The following HDAC9 variants were observed in gnomAD, a reference collection of about 807,000 sequenced individuals.
HDAC9 encodes MEF-2 interacting transcription repressor (MITR) protein.
In HDAC9, 41 loss-of-function variants were observed where a neutral mutation model predicts 139.4. That is an observed-to-expected ratio of 0.29 (90% CI 0.23 to 0.38). The LOEUF is 0.38. HDAC9 is among the 10% of genes least tolerant of loss of function. The pLI, the probability that HDAC9 is intolerant of heterozygous loss-of-function variation, is 1.00. For synonymous variants in HDAC9, 517 were observed against 476.2 expected, an observed-to-expected ratio of 1.09 and a Z score of -1.12; for missense variants, 1,147 against 1,297.0, an observed-to-expected ratio of 0.88 and a Z score of 1.78.
intron 1 of HDAC9, among the ~76,000 whole-genome samples, chr7:18,126,322 G>C (rs1166461241): frequency 1.3e-5 from 2 of 152,112 alleles, no homozygotes; most frequent in Admixed American, 1.3e-4. Flanking sequence ...AAAACCCCAG[G>C]TGAATGATAG....
At chr7:18,568,382 T>G (rs962075512) in intron 2 of HDAC9, among the ~76,000 whole-genome samples, 1 of 152,234 alleles carries the variant, frequency 6.6e-6, no homozygotes, top group African/African-American at 2.4e-5. Flanking sequence ...TGTCTAGTGC[T>G]CATTATTCTC....
intron 2 of HDAC9, among the ~76,000 whole-genome samples, chr7:18,183,073 A>G (rs545574403): frequency 1.2e-4 from 18 of 151,108 alleles, no homozygotes; most frequent in East Asian, 3.9e-4. Flanking sequence ...GCAGTGGCGC[A>G]ATCTCGGCTC....
intron 1 of HDAC9, among the ~76,000 whole-genome samples, chr7:18,299,022 G>A (rs375719902): frequency 2.0e-5 from 3 of 152,034 alleles, no homozygotes; most frequent in East Asian, 1.9e-4. Flanking sequence ...AACTATTCTT[G>A]AGTTTCCAAA....
intron 3 of HDAC9, among the ~76,000 whole-genome samples, chr7:18,585,999 A>G (rs780274193): frequency 1.4e-4 from 21 of 152,206 alleles, no homozygotes; most frequent in Non-Finnish European, 2.9e-4. Context: ...ACTCTTCCTT[A>G]TAGAAAAGAT....
At chr7:18,651,624 G>A (rs1339500799) in intron 11 of HDAC9, among the ~76,000 whole-genome samples, 2 of 151,784 alleles carry the variant, frequency 1.3e-5, no homozygotes, top group Non-Finnish European at 1.5e-5. Context: ...TATTAAATTT[G>A]AAAGAGTTTT....
At chr7:18,203,537 G>A (rs1791286196) in intron 2 of HDAC9, among the ~76,000 whole-genome samples, 1 of 152,074 alleles carries the variant, frequency 6.6e-6, no homozygotes, top group African/African-American at 2.4e-5. Context: ...ATCATATAAT[G>A]CATTTATATG....
intron 21 of HDAC9, among the ~76,000 whole-genome samples, chr7:18,859,363 A>G (rs1463394789): frequency 6.6e-6 from 1 of 151,980 alleles, no homozygotes; most frequent in East Asian, 2.0e-4. Context: ...TACATGTAAC[A>G]CTCCTAGATC....
chr7:18,384,789 G>C (rs1345915643), intron 1 of HDAC9, among the ~76,000 whole-genome samples: 1 of 151,890 alleles, frequency 6.6e-6, no homozygotes, highest in East Asian at 1.9e-4. Flanking sequence ...AAAAGGTTAA[G>C]TTCAAGTCCA....
chr7:18,859,753 A>T (rs1191660752), intron 21 of HDAC9, among the ~76,000 whole-genome samples: 1 of 143,042 alleles, frequency 7.0e-6, no homozygotes, highest in Non-Finnish European at 1.5e-5. Context: ...CCTTATTTTT[A>T]TGCCTACAAA....
At chr7:18,429,134 A>C (rs551699333) in intron 1 of HDAC9, 1 of 152,108 alleles carries the variant, frequency 6.6e-6, no homozygotes, top group South Asian at 2.1e-4. Flanking sequence ...GTTACTTGCA[A>C]TCGATCTCCC....
intron 1 of HDAC9, among the ~76,000 whole-genome samples, chr7:18,488,827 C>A (rs1264477493): frequency 6.6e-6 from 1 of 151,960 alleles, no homozygotes; most frequent in Non-Finnish European, 1.5e-5. Context: ...ACATTGAGAT[C>A]ATTTATGCTA....
intron 1 of HDAC9, among the ~76,000 whole-genome samples, chr7:18,310,809 T>TACACACACAC (rs71847714): frequency 1.1e-4 from 16 of 143,224 alleles, no homozygotes; most frequent in East Asian, 4.1e-4. Context: ...ACAAATCCAT[T>TACACACACAC]ACACACACAC....
At chr7:18,853,703 A>T (rs1330231947) in intron 21 of HDAC9, among the ~76,000 whole-genome samples, 1 of 152,184 alleles carries the variant, frequency 6.6e-6, no homozygotes, top group Non-Finnish European at 1.5e-5. Flanking sequence ...AGTCATTTTA[A>T]TAGAACTTAA....
At chr7:18,461,964 G>A (rs953229978) in intron 1 of HDAC9, among the ~76,000 whole-genome samples, 1 of 152,086 alleles carries the variant, frequency 6.6e-6, no homozygotes, top group African/African-American at 2.4e-5. Flanking sequence ...TGAGAAAACA[G>A]AGGCCTGGAG....
intron 22 of HDAC9, among the ~76,000 whole-genome samples, chr7:18,921,906 G>T (rs1387411072): frequency 2.6e-5 from 4 of 152,000 alleles, no homozygotes; most frequent in Non-Finnish European, 5.9e-5. Flanking sequence ...CCATAACAAA[G>T]GATGAGTTCA....
intron 1 of HDAC9, among the ~76,000 whole-genome samples, chr7:18,318,859 A>G (rs949604924): frequency 1.3e-5 from 2 of 152,180 alleles, no homozygotes; most frequent in Non-Finnish European, 2.9e-5. Flanking sequence ...TAAAAACATA[A>G]CGACTAGTAT....
chr7:18,992,993 T>C (rs765062971), intron 25 of HDAC9, among the ~76,000 whole-genome samples: 1 of 152,244 alleles, frequency 6.6e-6, no homozygotes, highest in Admixed American at 6.5e-5. Flanking sequence ...TAGACATGTA[T>C]CTAGGGATGG....
At chr7:18,826,722 G>A (rs936189862) in intron 17 of HDAC9, among the ~76,000 whole-genome samples, 2 of 85,756 alleles carry the variant, frequency 2.3e-5, no homozygotes, top group African/African-American at 5.0e-5. Flanking sequence ...TTTCCATTTT[G>A]TTTCTTAACA....
chr7:18,806,152 G>C (rs1226542445), intron 17 of HDAC9, among the ~76,000 whole-genome samples: 1 of 152,140 alleles, frequency 6.6e-6, no homozygotes, highest in Non-Finnish European at 1.5e-5. Context: ...AGAAAGACTA[G>C]GGCTTGGAGA....
Sources: allele counts gnomAD v4.1 joint callset (sites outside exome capture counted in the v4.1 genomes callset), GRCh38; gene constraint gnomAD v4.1.1; transcripts MANE v1.5; gene names NCBI Gene and HGNC (gene_info 2026-07-23, HGNC 2026-07-21).